Variants in POTEJ observed in about 807,000 individuals in gnomAD.
POTEJ encodes POTE ankyrin domain family member J, also known as POTE ankyrin domain family, member J.
A neutral mutation model predicts 69.0 loss-of-function variants in POTEJ; 11 were observed. The observed-to-expected ratio is 0.16, with a 90% CI of 0.10 to 0.26. The LOEUF (loss-of-function observed/expected upper bound fraction) is 0.26. POTEJ is among the 10% of genes least tolerant of loss of function. POTEJ has a pLI of 1.00. For missense variants in POTEJ, 327 were observed against 1,045.5 expected, an observed-to-expected ratio of 0.31 and a Z score of 9.48; for synonymous variants, 117 against 381.1, an observed-to-expected ratio of 0.31 and a Z score of 8.07.
chr2:130,626,896 A>G (rs1685730185), intron 6 of POTEJ, among the ~76,000 whole-genome samples: 1 of 152,156 alleles, frequency 6.6e-6, no homozygotes, highest in East Asian at 1.9e-4. Context: ...AAATAACATT[A>G]ATAGTTGGCA....
At chr2:130,624,921 A>C (rs1267679621) in intron 6 of POTEJ, among the ~76,000 whole-genome samples, 6 of 152,114 alleles carry the variant, frequency 3.9e-5, no homozygotes, top group Non-Finnish European at 7.3e-5. Flanking sequence ...TTGTTAGAAC[A>C]AGATGCTCTG....
chr2:130,636,713 T>G (rs572057882), intron 9 of POTEJ, among the ~76,000 whole-genome samples: 4,661 of 148,102 alleles, frequency 0.031, 160 homozygotes, highest in African/African-American at 0.11. Context: ...CTTAGCATAT[T>G]GGATGTAGCT....
At chr2:130,612,468 T>C (rs1310124352) in intron 1 of POTEJ, among the ~76,000 whole-genome samples, 1 of 152,246 alleles carries the variant, frequency 6.6e-6, no homozygotes, top group African/African-American at 2.4e-5. Context: ...TGAATTTTCT[T>C]AAGATGTGAG....
intron 10 of POTEJ, among the ~76,000 whole-genome samples, chr2:130,640,630 G>A (rs1200055031): frequency 6.6e-6 from 1 of 151,766 alleles, no homozygotes; most frequent in Non-Finnish European, 1.5e-5. Context: ...ACATCGCAAG[G>A]GCTGCTTTTC....
chr2:130,633,094 A>G lies in POTEJ; in HGVS notation c.1298+438A>G, dbSNP rs534034946. ...GCCTGTTATTCTCCTCTTTGTGTCCATGAGTTCTCATTATTTAGTTCCCAC... is the reference window on the plus strand; with the variant it reads ...GCCTGTTATTCTCCTCTTTGTGTCCGTGAGTTCTCATTATTTAGTTCCCAC... On this transcript the variant is annotated intron_variant, in intron 9 of 14. Transcript: ENST00000409602. 4.7e-3 allele frequency among the ~76,000 whole-genome samples: 678 copies of G among 144,676 alleles called. 21 individuals carry two copies. The highest frequency in any genetic ancestry group is 0.044 in the Admixed American group (645 of 14,628). 94.9% of individuals were successfully genotyped at this position (144,676 alleles called of 152,430 possible).
intron 9 of POTEJ, among the ~76,000 whole-genome samples, chr2:130,633,591 AGT>A (rs1685984323): frequency 7.1e-6 from 1 of 141,404 alleles, no homozygotes; most frequent in Non-Finnish European, 1.5e-5. Flanking sequence ...ACATCTTAAG[AGT>A]TCTTGTTAAA....
In POTEJ at chr2:130,613,309, TATAC is replaced by T. The variant is rs1476258934; in HGVS notation, c.410+1371_410+1374del. Among the ~76,000 whole-genome samples, 2 of 123,674 alleles carry T rather than the reference TATAC, an allele frequency of 1.6e-5. 1 individual carries two copies. The highest frequency in any genetic ancestry group is 3.1e-5 in the Non-Finnish European group (2 of 64,664). The allele number at this position is 123,674 out of a possible 152,430, so 81.1% of individuals were successfully genotyped here. The stretch of plus-strand genomic sequence containing the variant: ...ATATACATATATATACATATGTATA[TATAC>T]ATATATATACATATGTATATATACA... On this transcript the variant is annotated intron_variant, in intron 1 of 14. Coordinates refer to ENST00000409602, the MANE Select transcript of POTEJ (RefSeq NM_001277083.2).
chr2:130,639,045 G>T (rs1190007836), intron 10 of POTEJ, among the ~76,000 whole-genome samples: 1 of 152,282 alleles, frequency 6.6e-6, no homozygotes, highest in Non-Finnish European at 1.5e-5. Flanking sequence ...TTCACAACAG[G>T]GTTCATGCTC....
At chr2:130,618,709 C>T (rs1685452440) in intron 3 of POTEJ, among the ~76,000 whole-genome samples, 1 of 121,592 alleles carries the variant, frequency 8.2e-6, no homozygotes, top group South Asian at 2.5e-4. Context: ...CTTAAGGTAT[C>T]TCTAGAAGAG....
At chr2:130,613,299 C>CATATGTATAT (rs1685294847) in intron 1 of POTEJ, among the ~76,000 whole-genome samples, 1 of 101,568 alleles carries the variant, frequency 9.8e-6, no homozygotes, top group Admixed American at 1.0e-4. Flanking sequence ...CATATATATA[C>CATATGTATAT]ATATGTATAT....
chr2:130,637,650 G>T (rs372365104), intron 9 of POTEJ, among the ~76,000 whole-genome samples: 1 of 152,286 alleles, frequency 6.6e-6, no homozygotes, highest in Non-Finnish European at 1.5e-5. Flanking sequence ...GCCAAATAAC[G>T]TGTGGGGTGT....
chr2:130,636,993 G>T (rs1686116760), intron 9 of POTEJ, among the ~76,000 whole-genome samples: 1 of 146,500 alleles, frequency 6.8e-6, no homozygotes, highest in African/African-American at 2.5e-5. Flanking sequence ...GCAGGAGAAT[G>T]GCATGAACCC....
At chr2:130,612,928 A>G (rs1685265712) in intron 1 of POTEJ, among the ~76,000 whole-genome samples, 1 of 134,932 alleles carries the variant, frequency 7.4e-6, no homozygotes, top group Non-Finnish European at 1.6e-5. Context: ...TTGCTTTTCC[A>G]GATATCAAAA....
Position 130,651,833 on chromosome 2 carries a change from G to C in POTEJ, c.1668-3088G>C, listed in dbSNP as rs1686817090. On this transcript the variant is annotated intron_variant, in intron 13 of 14. Coordinates refer to ENST00000409602, the MANE Select transcript of POTEJ (RefSeq NM_001277083.2). ...TTACAATTTTCTGCTGGCAAATCTAGCTTTTTCTATATTTTGACTGAATAG... is the reference window on the plus strand; with the variant it reads ...TTACAATTTTCTGCTGGCAAATCTACCTTTTTCTATATTTTGACTGAATAG... Among the ~76,000 whole-genome samples the C allele has an allele frequency of 1.4e-5, 2 of 145,272 alleles. 1 individual carries two copies. Among genetic ancestry groups the C allele is most frequent in the Non-Finnish European group, 3.0e-5 (2 of 65,588 alleles).
intron 1 of POTEJ, among the ~76,000 whole-genome samples, chr2:130,613,210 C>T (rs1369007678): frequency 6.9e-6 from 1 of 143,924 alleles, no homozygotes; most frequent in Non-Finnish European, 1.5e-5. Context: ...ATATAAATGC[C>T]TATTTATATA....
At chr2:130,639,047 T>G (rs1686223254) in intron 10 of POTEJ, among the ~76,000 whole-genome samples, 4 of 152,278 alleles carry the variant, frequency 2.6e-5, no homozygotes, top group Admixed American at 2.6e-4. Context: ...CACAACAGGG[T>G]TCATGCTCCT....
At chr2:130,649,332 G>A (rs1442903918) in intron 13 of POTEJ, among the ~76,000 whole-genome samples, 1 of 152,220 alleles carries the variant, frequency 6.6e-6, no homozygotes, top group African/African-American at 2.4e-5. Flanking sequence ...CAGTTGCTCT[G>A]CCAAAAACCT....
chr2:130,622,874 C>A (rs1480697853), intron 5 of POTEJ: 1 of 149,206 alleles, frequency 6.7e-6, no homozygotes. Flanking sequence ...AAAATTGGAA[C>A]AATACGGGGA....
intron 3 of POTEJ, among the ~76,000 whole-genome samples, chr2:130,618,350 C>T (rs1421884590): frequency 6.6e-6 from 1 of 152,220 alleles, no homozygotes; most frequent in East Asian, 1.9e-4. Flanking sequence ...ATCCCAGTAA[C>T]CTGAGGAAAA....
Sources: allele counts gnomAD v4.1 joint callset (sites outside exome capture counted in the v4.1 genomes callset), GRCh38; gene constraint gnomAD v4.1.1; transcripts MANE v1.5; gene names NCBI Gene and HGNC (gene_info 2026-07-23, HGNC 2026-07-21).